SLC25A27: variants seen among roughly 807,000 people sequenced by gnomAD.
SLC25A27 encodes mitochondrial uncoupling protein 4.
Under a neutral mutation model 49.1 loss-of-function variants are expected in SLC25A27, and 35 were observed. The observed-to-expected ratio is 0.71, with a 90% CI of 0.54 to 0.95. The LOEUF (loss-of-function observed/expected upper bound fraction) is 0.95. Ranked by LOEUF, SLC25A27 falls within the 40% of genes least tolerant of loss-of-function variation. The pLI is 0.00. For missense variants in SLC25A27, 339 were observed against 397.1 expected, an observed-to-expected ratio of 0.85 and a Z score of 1.24; for synonymous variants, 144 against 136.9, an observed-to-expected ratio of 1.05 and a Z score of -0.36.
intron 3 of SLC25A27, among the ~76,000 whole-genome samples, chr6:46,659,341 G>A (rs977604476): frequency 3.3e-5 from 5 of 152,118 alleles, no homozygotes; most frequent in Non-Finnish European, 4.4e-5. Flanking sequence ...GAGTCAGACA[G>A]GGATGGGCTC....
At position 46,652,999 on chromosome 6, in the gene SLC25A27, G is replaced by C. The variant is rs1389638344; in HGVS notation, c.-194G>C. 1 of 603,350 alleles carries C rather than the reference G, an allele frequency of 1.7e-6. No individual in the cohort carries two copies. The highest frequency in any genetic ancestry group is 1.9e-5 in the African/African-American group (1 of 53,530). The allele number at this position is 603,350 out of a possible 1,614,324, so 37.4% of individuals were successfully genotyped here. On this transcript the variant is annotated 5_prime_UTR_variant, in exon 1 of 9. Transcript: ENST00000371347. The stretch of plus-strand genomic sequence containing the variant: ...TGTGTTTTTCTATTCTGGGGTGTAA[G>C]GGGCAGCTGGACCACTCCAGCTGGG...
chr6:46,659,264 T>C (rs1475484862), intron 3 of SLC25A27, among the ~76,000 whole-genome samples: 1 of 152,208 alleles, frequency 6.6e-6, no homozygotes, highest in Non-Finnish European at 1.5e-5. Context: ...ATTTAGTATT[T>C]TACTGTTGAA....
At position 46,668,934 on chromosome 6, in the gene SLC25A27, T is replaced by G. The variant is rs1252972437; in HGVS notation, c.704+141T>G. The G allele has an allele frequency of 7.3e-6, 4 of 544,846 alleles. No individual in the cohort carries two copies. In the East Asian group the frequency reaches 1.2e-4, roughly 16 times the overall value. 33.8% of individuals were successfully genotyped at this position (544,846 alleles called of 1,614,324 possible). On this transcript the variant is annotated intron_variant, in intron 6 of 8. Transcript: ENST00000371347. ...GAAGAGTACATTTATAAAGAGAAAT[T>G]TCTTAAAGTTTCTTGCAGTTAGAAT... is the stretch of plus-strand genomic sequence containing the variant.
At chr6:46,672,931 C>T (rs1763610971) in intron 8 of SLC25A27, among the ~76,000 whole-genome samples, 1 of 152,138 alleles carries the variant, frequency 6.6e-6, no homozygotes, top group South Asian at 2.1e-4. Flanking sequence ...AGCCAAAGCC[C>T]TTGGCAATAC....
At chr6:46,662,116 G>T (rs988591178) in intron 3 of SLC25A27, among the ~76,000 whole-genome samples, 1 of 152,072 alleles carries the variant, frequency 6.6e-6, no homozygotes, top group Non-Finnish European at 1.5e-5. Flanking sequence ...CAATTCAGAT[G>T]TGTGTATCTT....
rs568201335 is a variant in SLC25A27 at position 46,653,984 on chromosome 6, G to A, written c.106+686G>A. The A allele has an allele frequency of 5.8e-5, 40 of 685,218 alleles. No homozygotes were observed. The South Asian group carries it at 2.6e-3, about 44-fold the overall frequency. The allele number at this position is 685,218 out of a possible 1,614,324, so 42.4% of individuals were successfully genotyped here. On this transcript the variant is annotated intron_variant, in intron 1 of 8. Coordinates refer to ENST00000371347, the MANE Select transcript of SLC25A27 (RefSeq NM_004277.5). ...AGACAGAGAAAGACAATTATAATGT[G>A]CTACTTGTTATAATGAAGATATTAT... is the stretch of plus-strand genomic sequence containing the variant.
intron 4 of SLC25A27, 118 bp downstream of exon 4, chr6:46,662,616 T>A (rs567482654): frequency 4.6e-6 from 5 of 1,093,856 alleles, no homozygotes; most frequent in East Asian, 2.4e-5. Context: ...CTGACTTTTT[T>A]AATCTGGAAG....
intron 7 of SLC25A27, among the ~76,000 whole-genome samples, chr6:46,670,758 A>C (rs1226011192): frequency 6.6e-6 from 1 of 151,924 alleles, no homozygotes; most frequent in Non-Finnish European, 1.5e-5. Context: ...TTTTTTTGAG[A>C]CAGAGTCTCA....
chr6:46,659,404 T>G (rs1243869274), intron 3 of SLC25A27, among the ~76,000 whole-genome samples: 4 of 152,180 alleles, frequency 2.6e-5, no homozygotes, highest in African/African-American at 9.7e-5. Context: ...ACCTTTTTTA[T>G]CTTCAGTTTT....
intron 5 of SLC25A27, among the ~76,000 whole-genome samples, chr6:46,668,109 T>C (rs7753137): frequency 0.43 from 66,001 of 151,906 alleles, 14,597 homozygotes; most frequent in East Asian, 0.56. Flanking sequence ...CTTTGGGAGG[T>C]TGAGGTGAGC....
chr6:46,657,606 A>G (rs925219053), intron 2 of SLC25A27, among the ~76,000 whole-genome samples: 2 of 152,266 alleles, frequency 1.3e-5, no homozygotes, highest in African/African-American at 2.4e-5. Context: ...AAATTTTCTT[A>G]ATAAAAATTT....
At chr6:46,658,531 A>G (rs1279058097) in intron 2 of SLC25A27, 7 of 450,740 alleles carry the variant, frequency 1.6e-5, no homozygotes, top group South Asian at 9.6e-5. Context: ...GTACCAAGGT[A>G]TGTACTAGGG....
At chr6:46,662,188 G>A (rs1327245487) in intron 3 of SLC25A27, among the ~76,000 whole-genome samples, 188 bp from the exon 4 acceptor site, 1 of 151,994 alleles carries the variant, frequency 6.6e-6, no homozygotes, top group East Asian at 1.9e-4. Flanking sequence ...TTCACTCATT[G>A]TACTCCTTTA....
intron 2 of SLC25A27, among the ~76,000 whole-genome samples, chr6:46,658,004 A>C (rs1013110850): frequency 3.9e-5 from 6 of 152,234 alleles, no homozygotes; most frequent in African/African-American, 1.4e-4. Context: ...TGTGTACAGG[A>C]GAATATAAAG....
At chr6:46,666,499 G>A (rs1763329039) in intron 5 of SLC25A27, among the ~76,000 whole-genome samples, 3 of 152,180 alleles carry the variant, frequency 2.0e-5, no homozygotes, top group Admixed American at 2.0e-4. Context: ...ATCAAAGGAA[G>A]TCAATCTGTT....
At chr6:46,675,825 G>T (rs917844625) in intron 8 of SLC25A27, among the ~76,000 whole-genome samples, 1 of 152,156 alleles carries the variant, frequency 6.6e-6, no homozygotes, top group Non-Finnish European at 1.5e-5. Flanking sequence ...TGAACTGGAA[G>T]GGCTTTTTTC....
At chr6:46,665,843 A>G (rs1183318748) in intron 5 of SLC25A27, among the ~76,000 whole-genome samples, 2 of 152,160 alleles carry the variant, frequency 1.3e-5, no homozygotes, top group Non-Finnish European at 2.9e-5. Context: ...TGTACCCGGT[A>G]TCCAGAGTGA....
At chr6:46,667,901 C>T (rs1763373498) in intron 5 of SLC25A27, among the ~76,000 whole-genome samples, 1 of 152,138 alleles carries the variant, frequency 6.6e-6, no homozygotes, top group Admixed American at 6.5e-5. Flanking sequence ...TGGCTGTTTC[C>T]CCCAATGTGA....
At chr6:46,674,227 C>CGTGCAAAGTAA (rs1283342302) in intron 8 of SLC25A27, among the ~76,000 whole-genome samples, 47 of 152,240 alleles carry the variant, frequency 3.1e-4, no homozygotes, top group African/African-American at 1.1e-3. Context: ...GTGCAAAGCT[C>CGTGCAAAGTAA]TACATACATT....
Sources: allele counts gnomAD v4.1 joint callset (sites outside exome capture counted in the v4.1 genomes callset), GRCh38; gene constraint gnomAD v4.1.1; transcripts MANE v1.5; gene names NCBI Gene and HGNC (gene_info 2026-07-23, HGNC 2026-07-21).